Variants in PDE1C observed in about 807,000 individuals in gnomAD.
PDE1C encodes the protein phosphodiesterase 1C, also known as dual specificity calcium/calmodulin-dependent 3',5'-cyclic nucleotide phosphodiesterase 1C.
In PDE1C, 62 loss-of-function variants were observed where a neutral mutation model predicts 93.1. The ratio of observed to expected loss-of-function variants is 0.67; its 90% CI spans 0.54 to 0.82. PDE1C has a LOEUF of 0.82. Ranked by LOEUF, PDE1C falls within the 40% of genes least tolerant of loss-of-function variation. The probability of loss-of-function intolerance (pLI) is 0.00; values close to 1 mark genes in which losing one functional copy is unlikely to be tolerated. For synonymous variants in PDE1C, 325 were observed against 310.1 expected (o/e 1.05, Z -0.50); for missense variants, 742 against 884.6 (o/e 0.84, Z 2.04).
At chr7:31,825,584 G>A (rs1438863682) in intron 12 of PDE1C, among the ~76,000 whole-genome samples, 1 of 152,110 alleles carries the variant, frequency 6.6e-6, no homozygotes, top group African/African-American at 2.4e-5. Flanking sequence ...TGTCATAAGA[G>A]TTTTTAAATG....
the PDE1C span, chr7:31,687,407 T>C: frequency 1.3e-5 from 2 of 152,370 alleles, no homozygotes; most frequent in South Asian, 2.1e-4. Context: ...TGGCACGGGG[T>C]TGTGCTTTAT....
chr7:32,008,935 C>A (rs1472480941), intron 2 of PDE1C, among the ~76,000 whole-genome samples: 3 of 151,462 alleles, frequency 2.0e-5, no homozygotes, highest in African/African-American at 2.4e-5. Flanking sequence ...TATCATAAGA[C>A]AAAAAAAAGG....
At position 31,991,635 on chromosome 7, in the gene PDE1C, T is replaced by C. The variant is rs185058534; in HGVS notation, c.128+59919A>G. 3.3e-3 allele frequency among the ~76,000 whole-genome samples: 500 copies of C among 152,302 alleles called. 2 individuals carry two copies. The highest frequency in any genetic ancestry group is 5.9e-3 in the Non-Finnish European group (399 of 68,018). On this transcript the variant is annotated intron_variant, in intron 2 of 17. Transcript: ENST00000396191. The stretch of plus-strand genomic sequence containing the variant: ...ATAATGGCTCCCTTCCATTCCTCCA[T>C]TGGCTTTCTGCACCTGTTACCTATC...
the PDE1C span, among the ~76,000 whole-genome samples, chr7:31,706,447 G>A: frequency 6.6e-6 from 1 of 152,182 alleles, no homozygotes; most frequent in East Asian, 1.9e-4. Context: ...CCCAAAAGAA[G>A]GAAAATAATC....
chr7:32,297,820 C>A (rs558709874), intron 1 of PDE1C, among the ~76,000 whole-genome samples: 3 of 152,004 alleles, frequency 2.0e-5, no homozygotes, highest in Non-Finnish European at 4.4e-5. Context: ...ACATATGATC[C>A]CCCCTCCCTG....
intron 2 of PDE1C, among the ~76,000 whole-genome samples, chr7:32,012,934 C>T (rs1787352784): frequency 6.6e-6 from 1 of 152,106 alleles, no homozygotes; most frequent in Non-Finnish European, 1.5e-5. Flanking sequence ...TTGTGGATAT[C>T]AACTGATAAC....
intron 2 of PDE1C, among the ~76,000 whole-genome samples, chr7:32,013,322 C>G (rs932612871): frequency 2.6e-5 from 4 of 152,170 alleles, no homozygotes; most frequent in African/African-American, 9.7e-5. Flanking sequence ...AATGCTTGTT[C>G]CCTGGTGCCA....
chr7:31,641,988 C>T, the PDE1C span, among the ~76,000 whole-genome samples: 3 of 152,224 alleles, frequency 2.0e-5, no homozygotes, highest in Middle Eastern at 0.01. Context: ...ACCAGTGATG[C>T]AATTTTAACT....
At chr7:31,988,696 A>T (rs966553452) in intron 2 of PDE1C, among the ~76,000 whole-genome samples, 3 of 152,176 alleles carry the variant, frequency 2.0e-5, no homozygotes, top group Non-Finnish European at 4.4e-5. Context: ...CCTGTCTCTT[A>T]TAAAAACAAA....
At chr7:32,165,948 C>G (rs1802228034) in intron 3 of PDE1C, among the ~76,000 whole-genome samples, 1 of 151,920 alleles carries the variant, frequency 6.6e-6, no homozygotes, top group South Asian at 2.1e-4. Context: ...TCTGTTTTAA[C>G]AATCCCCCCG....
chr7:31,929,015 T>C (rs1374593783), intron 2 of PDE1C, among the ~76,000 whole-genome samples: 1 of 151,876 alleles, frequency 6.6e-6, no homozygotes, highest in East Asian at 1.9e-4. Context: ...TCAAGACCCA[T>C]TGGTGTGCTG....
the PDE1C span, among the ~76,000 whole-genome samples, chr7:31,639,930 C>T: frequency 6.6e-6 from 1 of 152,140 alleles, no homozygotes; most frequent in Non-Finnish European, 1.5e-5. Flanking sequence ...GATTTTTCTC[C>T]TCATAATGGA....
intron 1 of PDE1C, among the ~76,000 whole-genome samples, chr7:32,419,213 A>G (rs893019810): frequency 5.9e-5 from 9 of 152,238 alleles, no homozygotes; most frequent in African/African-American, 1.9e-4. Context: ...ACAGGGGAAC[A>G]AAGCTTGGAA....
the PDE1C span, among the ~76,000 whole-genome samples, chr7:31,638,445 A>G: frequency 2.0e-5 from 3 of 152,228 alleles, no homozygotes; most frequent in Non-Finnish European, 4.4e-5. Context: ...ATCCGGTTTT[A>G]TAATAACAGG....
the PDE1C span, chr7:31,658,339 G>GA: frequency 6.6e-7 from 1 of 1,519,208 alleles, no homozygotes; most frequent in Non-Finnish European, 8.8e-7. Flanking sequence ...TGCTAAAGAT[G>GA]AAAAAATAAA....
At chr7:32,112,840 G>A (rs1445251042) in intron 3 of PDE1C, among the ~76,000 whole-genome samples, 779 of 53,314 alleles carry the variant, frequency 0.015, 3 homozygotes, top group Non-Finnish European at 0.022. Flanking sequence ...GTGTGTGTGT[G>A]TGTGTGTATA....
At chr7:32,364,140 T>C (rs1215997339) in intron 1 of PDE1C, among the ~76,000 whole-genome samples, 2 of 152,190 alleles carry the variant, frequency 1.3e-5, no homozygotes, top group Non-Finnish European at 2.9e-5. Flanking sequence ...CCTGGATGCA[T>C]CTATTTGAGC....
At chr7:32,080,572 C>T (rs894615016) in intron 3 of PDE1C, among the ~76,000 whole-genome samples, 2 of 152,170 alleles carry the variant, frequency 1.3e-5, no homozygotes. Flanking sequence ...ATTAGCTGCA[C>T]CTTTCAGCTA....
At chr7:32,203,542 C>T (rs1805182832) in intron 2 of PDE1C, among the ~76,000 whole-genome samples, 1 of 152,208 alleles carries the variant, frequency 6.6e-6, no homozygotes, top group Non-Finnish European at 1.5e-5. Context: ...CTCCCCCATC[C>T]ACCCTAAGTA....
Sources: gnomAD v4.1 joint callset for allele counts (sites outside exome capture counted in the v4.1 genomes callset) on GRCh38, gnomAD v4.1.1 for gene constraint, MANE v1.5 for transcripts, NCBI Gene and HGNC (gene_info 2026-07-23, HGNC 2026-07-21) for gene names.